Variants in ATP2C1 observed in about 807,000 individuals in gnomAD.
The protein encoded by ATP2C1 is calcium-transporting ATPase type 2C member 1.
A neutral mutation model predicts 120.5 loss-of-function variants in ATP2C1; 31 were observed. The ratio of observed to expected loss-of-function variants is 0.26; its 90% confidence interval spans 0.19 to 0.35. The LOEUF (loss-of-function observed/expected upper bound fraction) is 0.35. Among genes scored for constraint, ATP2C1 ranks in the 10% least tolerant of loss-of-function variants. The probability of loss-of-function intolerance (pLI) is 1.00; values close to 1 mark genes in which losing one functional copy is unlikely to be tolerated. For synonymous variants in ATP2C1, 351 were observed against 358.7 expected, an observed-to-expected ratio of 0.98 and a Z score of 0.24; for missense variants, 731 against 1,107.5, an observed-to-expected ratio of 0.66 and a Z score of 4.83.
At chr3:130,895,301 G>T (rs1384313697) in intron 2 of ATP2C1, among the ~76,000 whole-genome samples, 2 of 152,318 alleles carry the variant, frequency 1.3e-5, no homozygotes, top group African/African-American at 4.8e-5. Flanking sequence ...GTTATGAGAT[G>T]AGTGCTTTTC....
chr3:130,904,967 G>A (rs1029567520), intron 2 of ATP2C1, among the ~76,000 whole-genome samples: 4 of 151,984 alleles, frequency 2.6e-5, no homozygotes, highest in African/African-American at 9.7e-5. Flanking sequence ...GAGGGCACTT[G>A]AAAATTTGTT....
At chr3:130,940,824 C>A in intron 7 of ATP2C1, 133 bp downstream of exon 7, 1 of 726,444 alleles carries the variant, frequency 1.4e-6, no homozygotes, top group South Asian at 1.6e-5. Flanking sequence ...ACAAAAAGTT[C>A]CTGGTCTCAT....
At chr3:131,015,189 C>A (rs1184223086) in intron 26 of ATP2C1, 2 of 701,776 alleles carry the variant, frequency 2.8e-6, no homozygotes, top group Non-Finnish European at 5.2e-6. Context: ...TACCTTGAAA[C>A]ATGTAAAGTC....
At chr3:130,941,490 A>G (rs1289449334) in intron 7 of ATP2C1, 101 bp from the exon 8 acceptor site, 2 of 879,938 alleles carry the variant, frequency 2.3e-6, no homozygotes, top group African/African-American at 1.7e-5. Flanking sequence ...TGGTTCTTAT[A>G]TTTGCCTTTT....
intron 24 of ATP2C1, 77 bp downstream of exon 24, chr3:130,996,873 T>A: frequency 9.7e-7 from 1 of 1,025,804 alleles, no homozygotes; most frequent in Non-Finnish European, 1.5e-6. Context: ...TAAAACTTGA[T>A]TTATGGACAG....
At chr3:130,962,217 G>A (rs2060852076) in intron 12 of ATP2C1, among the ~76,000 whole-genome samples, 1 of 152,040 alleles carries the variant, frequency 6.6e-6, no homozygotes, top group South Asian at 2.1e-4. Flanking sequence ...TTATGCAGAA[G>A]TAGAAAAATT....
intron 16 of ATP2C1, among the ~76,000 whole-genome samples, chr3:130,968,523 A>T (rs1248990449): frequency 6.6e-6 from 1 of 152,184 alleles, no homozygotes; most frequent in Non-Finnish European, 1.5e-5. Context: ...GGAATGAACT[A>T]AAGTAGAAGT....
intron 2 of ATP2C1, among the ~76,000 whole-genome samples, chr3:130,917,095 A>T (rs2058723150): frequency 6.6e-6 from 1 of 152,236 alleles, no homozygotes; most frequent in Non-Finnish European, 1.5e-5. Context: ...GTACAGTATT[A>T]TTTATTAAAT....
chr3:130,979,120 A>ACAGAC, intron 18 of ATP2C1, 129 bp from the exon 19 acceptor site: 3 of 873,206 alleles, frequency 3.4e-6, no homozygotes, highest in Non-Finnish European at 5.4e-6. Flanking sequence ...TTTTGATTTT[A>ACAGAC]CAAATGACAT....
intron 1 of ATP2C1, chr3:130,869,459 A>T (rs1332367293): frequency 3.8e-5 from 5 of 130,336 alleles, no homozygotes; most frequent in African/African-American, 1.5e-4. Context: ...AAAAAAAAAA[A>T]GAAATGATTA....
At chr3:130,918,548 C>T (rs545253938) in intron 2 of ATP2C1, 287 of 745,680 alleles carry the variant, frequency 3.8e-4, no homozygotes, top group Middle Eastern at 2.4e-3. Flanking sequence ...GCTCTCACCA[C>T]GGTCCATGTT....
intron 20 of ATP2C1, among the ~76,000 whole-genome samples, chr3:130,983,373 A>G (rs2108801775): frequency 6.6e-6 from 1 of 152,328 alleles, no homozygotes; most frequent in Non-Finnish European, 1.5e-5. Context: ...ACAGAGTTCT[A>G]CATTCCTACT....
At position 130,894,741 on chromosome 3, in the gene ATP2C1, C is replaced by G. The variant is rs1405896284; in HGVS notation, c.-29C>G. On this transcript the variant is annotated 5_prime_UTR_variant, in exon 2 of 28. Transcript: ENST00000510168. The surrounding 1 kb of genome is among the most constrained non-coding windows in gnomAD (Gnocchi z 4.5). Reference sequence around the variant, plus strand: ...TGGCTGACACTAAAGACTTTGTAGCCATCAACCCGAGTGCAGTTTCGATGG... The same window carrying G: ...TGGCTGACACTAAAGACTTTGTAGCGATCAACCCGAGTGCAGTTTCGATGG... 6.2e-7 allele frequency: 1 copy of G among 1,614,214 alleles called. No individual in the cohort carries two copies.
intron 2 of ATP2C1, among the ~76,000 whole-genome samples, chr3:130,913,311 C>T (rs1284986017): frequency 6.6e-6 from 1 of 151,568 alleles, no homozygotes; most frequent in African/African-American, 2.4e-5. Flanking sequence ...GGTGGGTATC[C>T]CTCTCCAGCC....
intron 8 of ATP2C1, among the ~76,000 whole-genome samples, chr3:130,946,158 G>A (rs2060144689): frequency 6.6e-6 from 1 of 152,162 alleles, no homozygotes; most frequent in Admixed American, 6.5e-5. Flanking sequence ...TAGCAACCAA[G>A]ATTAAGCTGT....
At chr3:130,923,876 A>C (rs2059080446) in intron 2 of ATP2C1, among the ~76,000 whole-genome samples, 1 of 151,778 alleles carries the variant, frequency 6.6e-6, no homozygotes, top group Non-Finnish European at 1.5e-5. Context: ...AAAAAAAAAA[A>C]AAAAAAAGGA....
At chr3:130,940,603 A>C (rs1197513146) in intron 6 of ATP2C1, 27 bp from the exon 7 acceptor site, 4 of 1,507,850 alleles carry the variant, frequency 2.7e-6, no homozygotes, top group Non-Finnish European at 3.7e-6. Context: ...GAGCAAAATT[A>C]AATTCTACTT....
chr3:130,997,585 A>G (rs778621728), intron 24 of ATP2C1, 21 bp from the exon 25 acceptor site: 4 of 1,610,528 alleles, frequency 2.5e-6, no homozygotes, highest in South Asian at 1.1e-5. Context: ...AAAGTAATTT[A>G]TTTTTCTGTT....
chr3:130,965,362 G>A (rs1425280267), intron 14 of ATP2C1, among the ~76,000 whole-genome samples: 2 of 151,810 alleles, frequency 1.3e-5, no homozygotes, highest in East Asian at 3.9e-4. Flanking sequence ...TTAAGTTACC[G>A]CCATTTCTCA....
Sources: gnomAD v4.1 joint callset for allele counts (sites outside exome capture counted in the v4.1 genomes callset) on GRCh38, gnomAD v4.1.1 for gene constraint, Gnocchi (gnomAD v3.1) non-coding constraint, MANE v1.5 for transcripts, NCBI Gene and HGNC (gene_info 2026-07-23, HGNC 2026-07-21) for gene names.